The following PTPDC1 variants were observed in gnomAD, a reference collection of about 807,000 sequenced individuals.
PTPDC1 encodes protein tyrosine phosphatase domain-containing protein 1.
In PTPDC1, 53 loss-of-function variants were observed where a neutral mutation model predicts 75.3. The observed-to-expected ratio is 0.70, with a 90% confidence interval of 0.56 to 0.88. The LOEUF is 0.88. Among genes scored for constraint, PTPDC1 ranks in the 40% least tolerant of loss-of-function variants. The pLI, the probability that PTPDC1 is intolerant of heterozygous loss-of-function variation, is 0.00. For missense variants in PTPDC1, 925 were observed against 998.6 expected, an observed-to-expected ratio of 0.93 and a Z score of 0.99; for synonymous variants, 349 against 366.2, an observed-to-expected ratio of 0.95 and a Z score of 0.54.
chr9:94,098,322 G>T lies in PTPDC1; in HGVS notation c.1756G>T (p.Val586Phe). 1 of 1,614,198 alleles carries T rather than the reference G, an allele frequency of 6.2e-7. No individual in the cohort carries two copies. The highest frequency in any genetic ancestry group is 1.1e-5 in the South Asian group (1 of 91,086). Residue 586 changes from valine (V) to phenylalanine (F), a missense_variant, in exon 6 of 9, where the codon GTT becomes TTT. By Grantham distance (50) the Val-to-Phe change is conservative (BLOSUM62 -1). Transcript: ENST00000620992. ...TCACTGTCAGTGTAAAACTCATGGT[G>T]TTGGGAGCCCTGGCTCTGTCAGGCA... is the stretch of plus-strand genomic sequence containing the variant. ...VSHCQCKTHG[V>F]GSPGSVRQNS...
chr9:94,070,101 G>C (rs1043928164), intron 2 of PTPDC1, among the ~76,000 whole-genome samples: 1 of 152,182 alleles, frequency 6.6e-6, no homozygotes, highest in African/African-American at 2.4e-5. Flanking sequence ...GGGATTACAG[G>C]CATGAGCCAC....
At chr9:94,062,121 T>C (rs1377658739) in intron 1 of PTPDC1, among the ~76,000 whole-genome samples, 1 of 152,168 alleles carries the variant, frequency 6.6e-6, no homozygotes, top group Non-Finnish European at 1.5e-5. Flanking sequence ...TTTTGCTGCT[T>C]AGAAATTTCT....
chr9:94,062,115 G>A (rs538782379), intron 1 of PTPDC1, among the ~76,000 whole-genome samples: 1 of 152,212 alleles, frequency 6.6e-6, no homozygotes, highest in African/African-American at 2.4e-5. Context: ...TGAATGTTTT[G>A]CTGCTTAGAA....
intron 1 of PTPDC1, among the ~76,000 whole-genome samples, chr9:94,049,111 A>G (rs1235099489): frequency 6.6e-6 from 1 of 152,002 alleles, no homozygotes; most frequent in Non-Finnish European, 1.5e-5. Flanking sequence ...TGCACATGAG[A>G]TGGGTTTCCT....
At position 94,050,540 on chromosome 9, in the gene PTPDC1, C is replaced by T. The variant is rs189041630; in HGVS notation, c.-6-14194C>T. On this transcript the variant is annotated intron_variant, in intron 1 of 9. Transcript: ENST00000375360. ...GCTGCAGAACAGCGATATTGCTGAA[C>T]AGCAAATGTTGCTGCCTGATTGTTC... Among the ~76,000 whole-genome samples the T allele has an allele frequency of 2.1e-4, 32 of 152,330 alleles. No homozygotes were observed. In the East Asian group the frequency reaches 6.2e-3, roughly 29 times the overall value.
chr9:94,108,176 A>G lies in PTPDC1; in HGVS notation c.*232A>G, dbSNP rs376528051. 2 of 289,758 alleles carry G rather than the reference A, an allele frequency of 6.9e-6. No homozygotes were observed. The highest frequency in any genetic ancestry group is 4.3e-5 in the African/African-American group (2 of 46,004). 17.9% of individuals were successfully genotyped at this position (289,758 alleles called of 1,614,324 possible). On this transcript the variant is annotated 3_prime_UTR_variant, in exon 9 of 9. Coordinates refer to ENST00000620992, the MANE Select transcript of PTPDC1 (RefSeq NM_001253829.2). ...CATAAATTTGGTGCCACTTTCTTTT[A>G]TTTATTTGACTGAGTTAATATTATT... is the stretch of plus-strand genomic sequence containing the variant.
chr9:94,098,730 C>A, intron 6 of PTPDC1, 151 bp downstream of exon 6: 1 of 692,154 alleles, frequency 1.4e-6, no homozygotes, highest in Non-Finnish European at 2.4e-6. Context: ...GTCTCTGATG[C>A]GAACCTGATG....
upstream of PTPDC1, among the ~76,000 whole-genome samples, chr9:94,082,628 G>A (rs1446050856): frequency 2.0e-5 from 3 of 152,142 alleles, no homozygotes; most frequent in African/African-American, 7.2e-5. Flanking sequence ...TCAATGCAAG[G>A]TATATTCACA....
intron 6 of PTPDC1, among the ~76,000 whole-genome samples, chr9:94,099,779 C>A (rs183890603): frequency 6.6e-6 from 1 of 152,358 alleles, no homozygotes; most frequent in East Asian, 1.9e-4. Flanking sequence ...CGCACCCCCA[C>A]TCCTGGGTCA....
intron 3 of PTPDC1, 85 bp from the exon 4 acceptor site, chr9:94,088,060 T>C: frequency 6.6e-7 from 1 of 1,520,734 alleles, no homozygotes. Context: ...TTGAGAGTAA[T>C]TAATAATGTT....
At chr9:94,087,057 T>C (rs1469672011) in intron 2 of PTPDC1, among the ~76,000 whole-genome samples, 1 of 152,204 alleles carries the variant, frequency 6.6e-6, no homozygotes, top group African/African-American at 2.4e-5. Context: ...ATTCAGATAG[T>C]TGAATAACAA....
At chr9:94,095,813 CA>C (rs895712261) in intron 5 of PTPDC1, among the ~76,000 whole-genome samples, 119 of 151,706 alleles carry the variant, frequency 7.8e-4, no homozygotes, top group African/African-American at 2.5e-3. Flanking sequence ...AAAATTAAAT[CA>C]AAAAAAATTT....
chr9:94,084,618 C>A lies in PTPDC1; in HGVS notation c.88C>A (p.Pro30Thr). 1 of 1,613,584 alleles carries A rather than the reference C, an allele frequency of 6.2e-7. No individual in the cohort carries two copies. The highest frequency in any genetic ancestry group is 8.5e-7 in the Non-Finnish European group (1 of 1,179,848). Residue 30 changes from proline (P) to threonine (T), a missense_variant, in exon 1 of 9, where the codon CCA (proline) becomes ACA (threonine). Pro to Thr is a conservative substitution (Grantham distance 38, BLOSUM62 -1). Coordinates refer to ENST00000620992, the MANE Select transcript of PTPDC1 (RefSeq NM_001253829.2). ...GGGCCGCCGGCACTCCACCTCAGAC[C>A]CAGTACTGCGGCTGCAGCAGGCCCG... ...LQGRRHSTSDPVLRLQQARRG... is the reference protein window; with the variant it reads ...LQGRRHSTSDTVLRLQQARRG...
intron 1 of PTPDC1, chr9:94,064,664 C>A: frequency 9.6e-7 from 1 of 1,039,110 alleles, no homozygotes; most frequent in Non-Finnish European, 1.5e-6. Context: ...AAAGGTCTAG[C>A]CATATTTTGG....
rs1375759766 is a variant in PTPDC1 at position 94,097,513 on chromosome 9, C to T, written c.947C>T (p.Thr316Ile). 1 of 1,614,198 alleles carries T rather than the reference C, an allele frequency of 6.2e-7. No individual in the cohort carries two copies. The highest frequency in any genetic ancestry group is 1.7e-5 in the Admixed American group (1 of 60,032). The change falls in exon 6 of 9, where the codon ACC becomes ATC. Residue 316 changes from threonine to isoleucine, a missense_variant. By Grantham distance (89) the Thr-to-Ile change is moderately conservative. Transcript: ENST00000620992. The part of the protein sequence containing the change: ...SCCDPKAHAV[T>I]LPQYLIRQRH... ...TGTGATCCCAAAGCACATGCTGTCA[C>T]CTTACCTCAATATCTAATTCGCCAG...
chr9:94,056,735 T>C (rs1263448618), intron 1 of PTPDC1, among the ~76,000 whole-genome samples: 1 of 152,224 alleles, frequency 6.6e-6, no homozygotes, highest in Non-Finnish European at 1.5e-5. Flanking sequence ...TTGTGTGAAA[T>C]GACTTTTATG....
Position 94,104,325 on chromosome 9 carries a change from G to A in PTPDC1, c.2250G>A (p.Gln750=). ...LCVLHCIVNL[Q]TIPVDVEEAF... ...TGTTGCACTGCATAGTGAACCTGCA[G>A]ACAATTCCCGTGGATGTGGAGGAAG... Residue 750 remains glutamine, a synonymous_variant, in exon 8 of 9, where the codon CAG becomes CAA. Transcript: ENST00000620992. The A allele has an allele frequency of 6.2e-7, 1 of 1,613,912 alleles. No homozygotes were observed. The highest frequency in any genetic ancestry group is 8.5e-7 in the Non-Finnish European group (1 of 1,179,830).
intron 1 of PTPDC1, among the ~76,000 whole-genome samples, chr9:94,057,101 T>G (rs1825964319): frequency 6.6e-6 from 1 of 152,146 alleles, no homozygotes; most frequent in Non-Finnish European, 1.5e-5. Context: ...ACATTTTGTT[T>G]CTTTTTTGTT....
chr9:94,096,841 A>G (rs1371752904), intron 5 of PTPDC1, among the ~76,000 whole-genome samples: 1 of 152,236 alleles, frequency 6.6e-6, no homozygotes, highest in African/African-American at 2.4e-5. Context: ...GGGATGTGCC[A>G]GCAGTTGATG....
Sources: gnomAD v4.1 joint callset for allele counts (sites outside exome capture counted in the v4.1 genomes callset) on GRCh38, gnomAD v4.1.1 for gene constraint, MANE v1.5 for transcripts, NCBI Gene and HGNC (gene_info 2026-07-23, HGNC 2026-07-21) for gene names.